The following DDX21 variants were observed in gnomAD, a reference collection of about 807,000 sequenced individuals.
The protein encoded by DDX21 is nucleolar RNA helicase 2.
In DDX21, 18 loss-of-function variants were observed where a neutral mutation model predicts 90.0. The observed-to-expected ratio is 0.20, with a 90% CI of 0.14 to 0.30. DDX21 has a LOEUF of 0.30. Ranked by LOEUF, DDX21 falls within the 10% of genes least tolerant of loss-of-function variation. The pLI is 1.00. For missense variants in DDX21, 673 were observed against 944.5 expected (o/e 0.71, Z 3.77); for synonymous variants, 294 against 318.0 (o/e 0.92, Z 0.80).
rs761289534 is a variant in DDX21, at chr10:68,956,186, G to C, written c.-40G>C. On this transcript the variant is annotated 5_prime_UTR_variant, in exon 1 of 15. Transcript: ENST00000354185. ...GGGAACTACCTCTTCCTCTCCACGC[G>C]GTTGAGAAGACCGGTCGGCCTGGGC... 2 of 1,604,562 alleles carry C rather than the reference G, an allele frequency of 1.2e-6. No individual in the cohort carries two copies. Among genetic ancestry groups the C allele is most frequent in the South Asian group, 2.2e-5 (2 of 90,480 alleles).
chr10:68,981,835 A>G (rs1358175720), intron 14 of DDX21, among the ~76,000 whole-genome samples: 2 of 151,914 alleles, frequency 1.3e-5, no homozygotes, highest in South Asian at 2.1e-4. Context: ...TAACACTTAT[A>G]TATGGTATAT....
chr10:68,966,532 GC>G (rs1842940502), intron 5 of DDX21, among the ~76,000 whole-genome samples: 1 of 151,638 alleles, frequency 6.6e-6, no homozygotes, highest in Admixed American at 6.6e-5. Flanking sequence ...AACCTCTGTT[GC>G]CCAGGTTCAA....
intron 4 of DDX21, among the ~76,000 whole-genome samples, chr10:68,964,667 T>TTA (rs1402829844): frequency 2.7e-5 from 4 of 149,140 alleles, no homozygotes; most frequent in Non-Finnish European, 4.5e-5. Flanking sequence ...TGGACTTTTT[T>TTA]TTTTTTTTTT....
chr10:68,959,122 G>A (rs1842839297), intron 1 of DDX21, among the ~76,000 whole-genome samples: 1 of 152,088 alleles, frequency 6.6e-6, no homozygotes, highest in East Asian at 1.9e-4. Flanking sequence ...TTATTCTATT[G>A]GAATTGAATT....
At position 68,962,176 on chromosome 10, in the gene DDX21, T is replaced by A; in HGVS notation, c.607+19T>A. 3 of 1,541,966 alleles carry A rather than the reference T, an allele frequency of 1.9e-6. No homozygotes were observed. Among genetic ancestry groups the A allele is most frequent in the Non-Finnish European group, 1.8e-6 (2 of 1,121,070 alleles). The stretch of plus-strand genomic sequence containing the variant: ...CTCAAAGGTAATGTTCTTGGAAATA[T>A]CGTATGATGTTAGAACGTATTATTT... On this transcript the variant is annotated intron_variant, in intron 3 of 14. Transcript: ENST00000354185.
intron 1 of DDX21, chr10:68,956,630 C>T (rs905275652): frequency 5.9e-6 from 7 of 1,187,888 alleles, no homozygotes; most frequent in Middle Eastern, 3.7e-4. Flanking sequence ...TGGTCCCCGG[C>T]GACTTGGGCG....
intron 11 of DDX21, 89 bp downstream of exon 11, chr10:68,974,832 A>ATT (rs146489157): frequency 1.1e-5 from 12 of 1,102,762 alleles, no homozygotes; most frequent in African/African-American, 1.6e-5. Context: ...ACTTAAAAAA[A>ATT]TTTTTTTTTT....
At position 68,956,186 on chromosome 10, in the gene DDX21, G is replaced by T; in HGVS notation, c.-40G>T. The T allele has an allele frequency of 6.2e-7, 1 of 1,604,562 alleles. No individual in the cohort carries two copies. The highest frequency in any genetic ancestry group is 1.7e-5 in the Admixed American group (1 of 59,368). ...GGGAACTACCTCTTCCTCTCCACGC[G>T]GTTGAGAAGACCGGTCGGCCTGGGC... On this transcript the variant is annotated 5_prime_UTR_variant, in exon 1 of 15. Coordinates refer to ENST00000354185, the MANE Select transcript of DDX21 (RefSeq NM_004728.4).
chr10:68,965,300 G>T (rs1842925172), intron 4 of DDX21, 77 bp from the exon 5 acceptor site: 3 of 1,134,096 alleles, frequency 2.6e-6, no homozygotes, highest in South Asian at 1.3e-5. Context: ...TCTTTTCCTG[G>T]AATGCTGTTC....
At chr10:68,981,634 A>T (rs1440339889) in intron 14 of DDX21, 53 bp downstream of exon 14, 1 of 1,365,196 alleles carries the variant, frequency 7.3e-7, no homozygotes, top group African/African-American at 1.4e-5. Context: ...GTAGAATGTT[A>T]ATTATGAAAA....
At chr10:68,968,742 A>C (rs1352092487) in intron 6 of DDX21, among the ~76,000 whole-genome samples, 1 of 152,200 alleles carries the variant, frequency 6.6e-6, no homozygotes, top group African/African-American at 2.4e-5. Context: ...CAGAAAGCAA[A>C]ATAACTTTAA....
At chr10:68,968,917 A>C in intron 6 of DDX21, 59 bp from the exon 7 acceptor site, 2 of 1,577,522 alleles carry the variant, frequency 1.3e-6, no homozygotes, top group Non-Finnish European at 1.7e-6. Context: ...GTTAGGTGGA[A>C]TACTATGTAG....
intron 1 of DDX21, among the ~76,000 whole-genome samples, chr10:68,957,921 T>C (rs777752139): frequency 6.6e-6 from 1 of 152,152 alleles, no homozygotes; most frequent in Non-Finnish European, 1.5e-5. Flanking sequence ...TTGTTTTCAG[T>C]AGTATGAAAA....
intron 14 of DDX21, among the ~76,000 whole-genome samples, chr10:68,982,156 C>T (rs1310277053): frequency 6.6e-6 from 1 of 152,188 alleles, no homozygotes; most frequent in Admixed American, 6.5e-5. Flanking sequence ...GCATGAGCCA[C>T]CACGTCCAGC....
At chr10:68,956,560 A>T (rs1007948041) in intron 1 of DDX21, 5 of 1,341,006 alleles carry the variant, frequency 3.7e-6, no homozygotes, top group Non-Finnish European at 4.8e-6. Context: ...AGGCATCCAC[A>T]GGTCGGAACT....
At chr10:68,962,035 T>A in intron 2 of DDX21, 47 bp from the exon 3 acceptor site, 1 of 1,415,596 alleles carries the variant, frequency 7.1e-7, no homozygotes, top group African/African-American at 1.4e-5. Flanking sequence ...CTCTATTAAT[T>A]TGTGTAGGTG....
chr10:68,978,633 CA>C (rs1297753262), intron 12 of DDX21, among the ~76,000 whole-genome samples: 2 of 152,182 alleles, frequency 1.3e-5, no homozygotes, highest in Non-Finnish European at 2.9e-5. Flanking sequence ...TATAATACCA[CA>C]ACCAAGATAT....
intron 1 of DDX21, among the ~76,000 whole-genome samples, chr10:68,958,717 A>G (rs956811906): frequency 2.0e-5 from 3 of 152,156 alleles, no homozygotes; most frequent in South Asian, 2.1e-4. Flanking sequence ...GATTATAGGC[A>G]TGAGCCACCG....
At chr10:68,958,543 TCTC>T (rs201434775) in intron 1 of DDX21, among the ~76,000 whole-genome samples, 1,777 of 152,122 alleles carry the variant, frequency 0.012, 47 homozygotes, top group African/African-American at 0.041. Flanking sequence ...TTCAAGCAGT[TCTC>T]CTGCCTCAGC....
Sources: gnomAD v4.1 joint callset for allele counts (sites outside exome capture counted in the v4.1 genomes callset) on GRCh38, gnomAD v4.1.1 for gene constraint, MANE v1.5 for transcripts, NCBI Gene and HGNC (gene_info 2026-07-23, HGNC 2026-07-21) for gene names.